Variants in FAS observed in about 807,000 individuals in gnomAD.
FAS encodes the protein tumor necrosis factor receptor superfamily member 6.
A neutral mutation model predicts 33.2 loss-of-function variants in FAS; 5 were observed. That is an observed-to-expected ratio of 0.15 (90% CI 0.08 to 0.32). The LOEUF (loss-of-function observed/expected upper bound fraction) is 0.32, where lower values mean the gene tolerates loss of function less well. Among genes scored for constraint, FAS ranks in the 10% least tolerant of loss-of-function variants. The probability of loss-of-function intolerance (pLI) is 1.00; values close to 1 mark genes in which losing one functional copy is unlikely to be tolerated. For missense variants in FAS, 339 were observed against 386.0 expected (o/e 0.88, Z 1.02); for synonymous variants, 131 against 130.7 (o/e 1.00, Z -0.01).
In FAS at chr10:89,016,647, G is replaced by A. The variant is rs1359243733; in HGVS notation, c.*2197G>A. 1 of 222,970 alleles carries A rather than the reference G, an allele frequency of 4.5e-6. No homozygotes were observed. The highest frequency in any genetic ancestry group is 9.0e-6 in the Non-Finnish European group (1 of 111,692). The allele number at this position is 222,970 out of a possible 1,614,324, so 13.8% of individuals were successfully genotyped here. ...TCAATGAGCACAGCCACATTCCCGA[G>A]TTGAGGTGACCCCACGGTCCAGAAT... On this transcript the variant is annotated 3_prime_UTR_variant, in exon 9 of 9. Transcript: ENST00000652046.
At chr10:88,976,038 C>G (rs1212440486) in intron 2 of FAS, among the ~76,000 whole-genome samples, 1 of 152,070 alleles carries the variant, frequency 6.6e-6, no homozygotes, top group Admixed American at 6.6e-5. Flanking sequence ...TGTCCCATCC[C>G]GATTAGGACC....
intron 1 of FAS, among the ~76,000 whole-genome samples, chr10:88,998,525 A>T (rs1847735886): frequency 6.6e-6 from 1 of 152,108 alleles, no homozygotes; most frequent in Non-Finnish European, 1.5e-5. Flanking sequence ...ATTTTAACTT[A>T]ATCACCTCTG....
chr10:89,012,208 T>A, intron 7 of FAS, 127 bp downstream of exon 7: 1 of 816,760 alleles, frequency 1.2e-6, no homozygotes, highest in Non-Finnish European at 2.0e-6. Flanking sequence ...GATGGAGTCT[T>A]GCTCCATAGC....
rs1848316496 is a variant in FAS, at chr10:89,007,840, A to C, written c.334+3A>C. 6.2e-7 allele frequency: 1 copy of C among 1,613,762 alleles called. No individual in the cohort carries two copies. The highest frequency in any genetic ancestry group is 1.7e-5 in the Admixed American group (1 of 59,996). On this transcript the variant is annotated splice_donor_region_variant and intron_variant, in intron 3 of 8. Coordinates refer to ENST00000652046, the MANE Select transcript of FAS (RefSeq NM_000043.6). ...TAGATTGTGTGATGAAGGACATGGT[A>C]AGAGTCTTAAAATGCAATTGAAAGA...
chr10:88,985,667 T>C (rs527705311), upstream of FAS, among the ~76,000 whole-genome samples: 10 of 152,316 alleles, frequency 6.6e-5, no homozygotes, highest in South Asian at 2.1e-4. Context: ...TCCCACTCCC[T>C]GGCACTAGAT....
Position 89,003,030 on chromosome 10 carries a change from T to C in FAS, c.32T>C (p.Val11Ala), listed in dbSNP as rs761692893. MLGIWTLLPLVLTSVARLSSK... is the reference protein window; with the variant it reads MLGIWTLLPLALTSVARLSSK... ...TCTCTTCATGCTTTTATTTTACAGG[T>C]TCTTACGTCTGTTGCTAGATTATCG... The change falls in exon 2 of 9, where the codon GTT (valine) becomes GCT (alanine). Residue 11 changes from valine (V) to alanine (A), a missense_variant and splice_region_variant. Val to Ala is a moderately conservative substitution (Grantham distance 64). Transcript: ENST00000652046. 16 of 1,614,020 alleles carry C rather than the reference T, an allele frequency of 9.9e-6. No homozygotes were observed. Among genetic ancestry groups the C allele is most frequent in the Non-Finnish European group, 1.3e-5 (15 of 1,179,970 alleles).
intron 1 of FAS, among the ~76,000 whole-genome samples, chr10:88,995,511 T>C (rs1305178272): frequency 6.6e-6 from 1 of 152,178 alleles, no homozygotes; most frequent in Non-Finnish European, 1.5e-5. Flanking sequence ...GTAGAAATGA[T>C]AGTGAATTTA....
intron 2 of FAS, among the ~76,000 whole-genome samples, chr10:88,980,270 G>T (rs1180985394): frequency 6.6e-6 from 1 of 152,134 alleles, no homozygotes; most frequent in East Asian, 1.9e-4. Flanking sequence ...TAGATTTGAA[G>T]AGCATCTGGG....
At chr10:89,007,937 T>G in intron 3 of FAS, 100 bp downstream of exon 3, 1 of 1,565,986 alleles carries the variant, frequency 6.4e-7, no homozygotes, top group Admixed American at 1.7e-5. Context: ...TGGTGCTATG[T>G]TGACACACAG....
chr10:88,999,905 G>A (rs9658714), intron 1 of FAS, among the ~76,000 whole-genome samples: 2,313 of 152,332 alleles, frequency 0.015, 52 homozygotes, highest in African/African-American at 0.053. Context: ...GATTTCATCA[G>A]AGACAGAAAT....
intron 1 of FAS, among the ~76,000 whole-genome samples, chr10:88,997,319 T>A (rs1259619942): frequency 6.6e-6 from 1 of 152,236 alleles, no homozygotes; most frequent in Non-Finnish European, 1.5e-5. Context: ...ACTATTTTTC[T>A]GACTCTAGCA....
intron 6 of FAS, among the ~76,000 whole-genome samples, chr10:89,011,601 CTTGAG>C (rs1848531230): frequency 6.6e-6 from 1 of 152,136 alleles, no homozygotes; most frequent in Admixed American, 6.5e-5. Context: ...AGTATGTATG[CTTGAG>C]TTATTTGTGT....
At chr10:89,007,223 T>C (rs2031612) in intron 2 of FAS, among the ~76,000 whole-genome samples, 58,507 of 152,112 alleles carry the variant, frequency 0.38, 11,380 homozygotes, top group East Asian at 0.5. Flanking sequence ...ACTTCAAATG[T>C]TCTTTTCCTT....
intron 1 of FAS, chr10:89,002,744 C>T: frequency 2.4e-6 from 1 of 418,310 alleles, no homozygotes; most frequent in South Asian, 2.3e-5. Flanking sequence ...AGTGATTTTA[C>T]CCACAAACAC....
intron 1 of FAS, among the ~76,000 whole-genome samples, chr10:88,995,843 C>CAAAGAAACA (rs1847555359): frequency 2.0e-5 from 3 of 151,910 alleles, no homozygotes; most frequent in South Asian, 2.1e-4. Flanking sequence ...AACAAAGAAA[C>CAAAGAAACA]AAAAAATCAT....
chr10:89,013,287 T>C, intron 7 of FAS, 56 bp from the exon 8 acceptor site: 1 of 1,532,004 alleles, frequency 6.5e-7, no homozygotes, highest in East Asian at 2.3e-5. Context: ...ACATTTAGAA[T>C]ATTCTAAAGA....
chr10:89,009,093 G>C (rs1301368565), intron 4 of FAS, 96 bp downstream of exon 4: 2 of 1,184,794 alleles, frequency 1.7e-6, no homozygotes, highest in African/African-American at 1.5e-5. Context: ...TAAGAATTAG[G>C]GTTCTAGTCC....
intron 1 of FAS, among the ~76,000 whole-genome samples, chr10:88,993,728 A>G (rs1847411817): frequency 6.6e-6 from 1 of 152,194 alleles, no homozygotes; most frequent in Non-Finnish European, 1.5e-5. Flanking sequence ...AAAATGGAAT[A>G]TTTATTTATT....
chr10:89,010,959 G>C, intron 6 of FAS, 144 bp downstream of exon 6: 2 of 906,624 alleles, frequency 2.2e-6, no homozygotes, highest in Admixed American at 3.7e-5. Context: ...GCAGCCTTGA[G>C]AGCTGACTGA....
Sources: gnomAD v4.1 joint callset for allele counts (sites outside exome capture counted in the v4.1 genomes callset) on GRCh38, gnomAD v4.1.1 for gene constraint, MANE v1.5 for transcripts, NCBI Gene and HGNC (gene_info 2026-07-23, HGNC 2026-07-21) for gene names.